RPL3: variants seen among roughly 807,000 people sequenced by gnomAD.
The protein encoded by RPL3 is large ribosomal subunit protein uL3.
In RPL3, 3 loss-of-function variants were observed where a neutral mutation model predicts 46.0. That is an observed-to-expected ratio of 0.07 (90% confidence interval 0.03 to 0.17). The LOEUF is 0.17. Ranked by LOEUF, RPL3 falls within the 10% of genes least tolerant of loss-of-function variation. The pLI is 1.00. For missense variants in RPL3, 387 were observed against 532.7 expected (o/e 0.73, Z 2.69); for synonymous variants, 224 against 190.8 (o/e 1.17, Z -1.43).
At chr22:39,319,550 T>G in intron 1 of RPL3, 45 bp downstream of exon 1, 1 of 1,559,092 alleles carries the variant, frequency 6.4e-7, no homozygotes, top group Non-Finnish European at 8.7e-7. Flanking sequence ...GATTCAGCCG[T>G]GCCGACGCCG....
At position 39,314,155 on chromosome 22, in the gene RPL3, G is replaced by A; in HGVS notation, c.903C>T (p.Asn301=). The A allele has an allele frequency of 1.2e-6, 2 of 1,613,548 alleles. No homozygotes were observed. Among genetic ancestry groups the A allele is most frequent in the African/African-American group, 1.3e-5 (1 of 75,048 alleles). Residue 301 remains asparagine, a synonymous_variant, in exon 7 of 10, where the codon AAC becomes AAT. Coordinates refer to ENST00000216146, the MANE Select transcript of RPL3 (RefSeq NM_000967.4). ...ATAGGTCATAGTCAGTGGAGGCATT[G>A]TTCTTGATCAGCTTGCCGTCCTTGA... ...YLIKDGKLIK[N]NASTDYDLSD... is the part of the protein sequence containing the mutation.
chr22:39,313,526 C>G, intron 8 of RPL3, 108 bp downstream of exon 8: 1 of 1,276,726 alleles, frequency 7.8e-7, no homozygotes, highest in Non-Finnish European at 1.1e-6. Flanking sequence ...AAAGGACTGC[C>G]AACACCCTCT....
In RPL3 at chr22:39,317,246, C is replaced by G. The variant is rs927525160; in HGVS notation, c.365+215G>C. The G allele has an allele frequency of 1.5e-5, 9 of 610,366 alleles. No individual in the cohort carries two copies. The African/African-American group carries it at 1.5e-4, about 10-fold the overall frequency. 37.8% of individuals were successfully genotyped at this position (610,366 alleles called of 1,614,324 possible). Reference sequence around the variant, plus strand: ...AACCAACTGGGTCCTCAGCCACCACCCACTAGCCTGGACTCAGAATGAGGG... The same window carrying G: ...AACCAACTGGGTCCTCAGCCACCACGCACTAGCCTGGACTCAGAATGAGGG... On this transcript the variant is annotated intron_variant, in intron 3 of 9. Transcript: ENST00000216146.
rs8135052 is a variant in RPL3 at position 39,319,578 on chromosome 22, G to C, written c.3+17C>G. 1 of 1,569,014 alleles carries C rather than the reference G, an allele frequency of 6.4e-7. No individual in the cohort carries two copies. ...CGACGCCGGTGACAATGAAACGGCC[G>C]CCATTACAACACATACCATCACGCC... On this transcript the variant is annotated intron_variant, in intron 1 of 9. Coordinates refer to ENST00000216146, the MANE Select transcript of RPL3 (RefSeq NM_000967.4).
chr22:39,317,298 G>T, intron 3 of RPL3, 163 bp downstream of exon 3: 2 of 796,038 alleles, frequency 2.5e-6, no homozygotes, highest in Non-Finnish European at 3.9e-6. Context: ...AAACCAGATG[G>T]CTGGCCAAGT....
rs186923724 is a variant in RPL3, at chr22:39,315,228, A to C, written c.688+141T>G. 504 of 1,201,522 alleles carry C rather than the reference A, an allele frequency of 4.2e-4. 2 individuals are homozygous for C. In the African/African-American group the frequency reaches 5.4e-3, roughly 13 times the overall value. 74.4% of individuals were successfully genotyped at this position (1,201,522 alleles called of 1,614,324 possible). A position where few individuals can be genotyped will look rare whatever the true frequency, so the allele number is the denominator to read the frequency against. On this transcript the variant is annotated intron_variant, in intron 5 of 9. Transcript: ENST00000216146. ...TGACCACAAGGCTGTTCTCAGAAGGAAGGCAGTAGAGAATGGTTCTACACT... is the reference window on the plus strand; with the variant it reads ...TGACCACAAGGCTGTTCTCAGAAGGCAGGCAGTAGAGAATGGTTCTACACT...
intron 3 of RPL3, 71 bp from the exon 4 acceptor site, chr22:39,316,912 G>C: frequency 6.2e-7 from 1 of 1,607,718 alleles, no homozygotes; most frequent in Non-Finnish European, 8.5e-7. Context: ...GGGGTGAGCG[G>C]AAGGCACACT....
intron 5 of RPL3, 192 bp downstream of exon 5, chr22:39,315,177 T>C: frequency 1.1e-6 from 1 of 896,344 alleles, no homozygotes; most frequent in Non-Finnish European, 1.9e-6. Context: ...AGTTGTCCCC[T>C]GGCCCTCCGC....
Position 39,315,372 on chromosome 22 carries a change from T to C in RPL3, c.685A>G (p.Lys229Glu). 6.2e-7 allele frequency: 1 copy of C among 1,614,042 alleles called. No homozygotes were observed. Among genetic ancestry groups the C allele is most frequent in the Non-Finnish European group, 8.5e-7 (1 of 1,180,034 alleles). Reference protein sequence around the residue: ...VIGVTKGKGYKGVTSRWHTKK... With the variant: ...VIGVTKGKGYEGVTSRWHTKK... Reference sequence around the variant, plus strand: ...CTCAAGCCACCGCAAAGCTCACCTTTGTAGCCTTTGCCCTTGGTCACCCCG... The same window carrying C: ...CTCAAGCCACCGCAAAGCTCACCTTCGTAGCCTTTGCCCTTGGTCACCCCG... The change falls in exon 5 of 10, where the codon AAA becomes GAA. Residue 229 changes from lysine (K) to glutamate (E), a missense_variant. Physicochemically the swap from Lys to Glu is moderately conservative, Grantham distance 56. Transcript: ENST00000216146.
rs755113150 is a variant in RPL3 at position 39,319,566 on chromosome 22, A to G, written c.3+29T>C. On this transcript the variant is annotated intron_variant, in intron 1 of 9. Coordinates refer to ENST00000216146, the MANE Select transcript of RPL3 (RefSeq NM_000967.4). ...ATTCAGCCGTGCCGACGCCGGTGACAATGAAACGGCCGCCATTACAACACA... is the reference window on the plus strand; with the variant it reads ...ATTCAGCCGTGCCGACGCCGGTGACGATGAAACGGCCGCCATTACAACACA... The G allele has an allele frequency of 1.4e-5, 22 of 1,563,466 alleles. No individual in the cohort carries two copies. In the Middle Eastern group the frequency reaches 5.0e-4, roughly 35 times the overall value.
intron 7 of RPL3, 160 bp downstream of exon 7, chr22:39,313,947 G>A (rs142932904): frequency 1.7e-5 from 14 of 836,232 alleles, no homozygotes; most frequent in South Asian, 6.7e-5. Flanking sequence ...AGCCAACCCC[G>A]ACGAGTGGAC....
chr22:39,318,832 A>G (rs1922865919), intron 1 of RPL3, among the ~76,000 whole-genome samples: 1 of 151,996 alleles, frequency 6.6e-6, no homozygotes, highest in Non-Finnish European at 1.5e-5. Flanking sequence ...AAAACGACCC[A>G]TTTTTTTTAT....
chr22:39,315,336 T>C (rs772405301), intron 5 of RPL3, 33 bp downstream of exon 5: 2 of 1,613,830 alleles, frequency 1.2e-6, no homozygotes, highest in African/African-American at 2.7e-5. Context: ...TCCCCCAGGT[T>C]TGCACAGCAA....
At chr22:39,316,975 C>A (rs760148709) in intron 3 of RPL3, 134 bp from the exon 4 acceptor site, 29 of 1,384,238 alleles carry the variant, frequency 2.1e-5, no homozygotes, top group Non-Finnish European at 3.0e-5. Flanking sequence ...CCTTTTCCAC[C>A]AGCAAGCGGA....
chr22:39,318,305 A>G, intron 2 of RPL3, 95 bp downstream of exon 2: 2 of 1,362,878 alleles, frequency 1.5e-6, no homozygotes, highest in Non-Finnish European at 2.0e-6. Flanking sequence ...GCTTAAAAAA[A>G]AAAGTCTGCC....
Position 39,316,856 on chromosome 22 carries a change from CAG to C in RPL3, c.366-17_366-16del. 1 of 1,613,564 alleles carries C rather than the reference CAG, an allele frequency of 6.2e-7. No individual in the cohort carries two copies. Among genetic ancestry groups the C allele is most frequent in the Non-Finnish European group, 8.5e-7 (1 of 1,180,014 alleles). On this transcript the variant is annotated splice_polypyrimidine_tract_variant and intron_variant, in intron 3 of 9. Transcript: ENST00000216146. The stretch of plus-strand genomic sequence containing the variant: ...TAGATTTATGCCTTCAGGAGCAGAG[CAG>C]AGTTGGGGAGGGGACCAGGTGCAGG...
At chr22:39,313,913 G>A (rs1244597252) in intron 7 of RPL3, 184 bp from the exon 8 acceptor site, 5 of 837,780 alleles carry the variant, frequency 6.0e-6, no homozygotes, top group South Asian at 4.0e-5. Context: ...CTGAACAGCT[G>A]AGCCTGAGAC....
intron 3 of RPL3, 53 bp downstream of exon 3, chr22:39,317,408 G>T: frequency 6.3e-7 from 1 of 1,579,890 alleles, no homozygotes. Flanking sequence ...GCTGCTCCCT[G>T]CTCTCCAGCT....
At chr22:39,313,144 T>TGCCCAAGCCACC in intron 9 of RPL3, 47 bp downstream of exon 9, 1 of 1,600,416 alleles carries the variant, frequency 6.2e-7, no homozygotes, top group Non-Finnish European at 8.5e-7. Flanking sequence ...GGCAGGCGGC[T>TGCCCAAGCCACC]GCCCAAGCCA....
Sources: allele counts gnomAD v4.1 joint callset (sites outside exome capture counted in the v4.1 genomes callset), GRCh38; gene constraint gnomAD v4.1.1; transcripts MANE v1.5; gene names NCBI Gene and HGNC (gene_info 2026-07-23, HGNC 2026-07-21).